The following ELAVL2 variants were observed in gnomAD, a reference collection of about 807,000 sequenced individuals.
ELAVL2 encodes ELAV-like protein 2.
In ELAVL2, 4 loss-of-function variants were observed where a neutral mutation model predicts 34.6. The ratio of observed to expected loss-of-function variants is 0.12; its 90% confidence interval spans 0.06 to 0.26. ELAVL2 has a LOEUF of 0.26. Ranked by LOEUF, ELAVL2 falls within the 10% of genes least tolerant of loss-of-function variation. The pLI, the probability that ELAVL2 is intolerant of heterozygous loss-of-function variation, is 1.00. For synonymous variants in ELAVL2, 193 were observed against 154.8 expected, an observed-to-expected ratio of 1.25 and a Z score of -1.83; for missense variants, 432 against 442.8, an observed-to-expected ratio of 0.98 and a Z score of 0.22.
intron 2 of ELAVL2, among the ~76,000 whole-genome samples, chr9:23,741,775 C>G (rs906146624): frequency 2.3e-4 from 30 of 132,478 alleles, no homozygotes; most frequent in African/African-American, 9.1e-4. Flanking sequence ...GTCTCCCATA[C>G]CTTTCTCCCT....
chr9:23,734,979 C>A (rs974465728), intron 2 of ELAVL2, among the ~76,000 whole-genome samples: 1 of 151,420 alleles, frequency 6.6e-6, no homozygotes, highest in Non-Finnish European at 1.5e-5. Context: ...CTGATAATCC[C>A]CAAACTAAGA....
chr9:23,750,350 C>T (rs1002593615), intron 2 of ELAVL2, among the ~76,000 whole-genome samples: 4 of 146,680 alleles, frequency 2.7e-5, no homozygotes, highest in African/African-American at 7.5e-5. Context: ...AGTAACAAAT[C>T]GGTATTAACA....
intron 4 of ELAVL2, among the ~76,000 whole-genome samples, chr9:23,703,295 G>A (rs534540401): frequency 1.2e-4 from 18 of 152,248 alleles, no homozygotes; most frequent in South Asian, 4.1e-4. Flanking sequence ...AAGCACAAAT[G>A]AAATAAAAAA....
chr9:23,731,001 A>T, intron 3 of ELAVL2, 21 bp downstream of exon 3: 2 of 1,593,464 alleles, frequency 1.3e-6, no homozygotes, highest in South Asian at 2.3e-5. Flanking sequence ...GCAAGTAGAT[A>T]TAAAAAAACT....
At chr9:23,802,298 T>C (rs1414910098) in intron 1 of ELAVL2, among the ~76,000 whole-genome samples, 3 of 152,184 alleles carry the variant, frequency 2.0e-5, no homozygotes, top group African/African-American at 7.2e-5. Flanking sequence ...ACATTAATAA[T>C]GTTAGTGCTA....
chr9:23,778,389 A>G (rs1417956516), intron 1 of ELAVL2, among the ~76,000 whole-genome samples: 1 of 152,130 alleles, frequency 6.6e-6, no homozygotes, highest in Non-Finnish European at 1.5e-5. Context: ...ACAAACAAAA[A>G]CAGTAGTGTT....
intron 2 of ELAVL2, among the ~76,000 whole-genome samples, chr9:23,732,808 A>C (rs985727745): frequency 2.6e-5 from 4 of 152,148 alleles, no homozygotes; most frequent in Non-Finnish European, 5.9e-5. Flanking sequence ...CTTCTCTCTA[A>C]AACGAGGGTA....
At chr9:23,744,300 G>A (rs545898631) in intron 2 of ELAVL2, among the ~76,000 whole-genome samples, 1 of 152,244 alleles carries the variant, frequency 6.6e-6, no homozygotes, top group African/African-American at 2.4e-5. Context: ...AAAATGTTAG[G>A]TATTCAATTA....
intron 1 of ELAVL2, among the ~76,000 whole-genome samples, chr9:23,765,951 C>A (rs2056157350): frequency 6.6e-6 from 1 of 152,054 alleles, no homozygotes. Flanking sequence ...CCAAACAGAG[C>A]CATGATATTG....
intron 1 of ELAVL2, among the ~76,000 whole-genome samples, chr9:23,823,722 A>C (rs2065101066): frequency 6.6e-6 from 1 of 152,228 alleles, no homozygotes; most frequent in African/African-American, 2.4e-5. Context: ...CTTAAGGCCC[A>C]AACACATTTC....
At chr9:23,800,453 T>C (rs1564519356) in intron 1 of ELAVL2, among the ~76,000 whole-genome samples, 1 of 152,168 alleles carries the variant, frequency 6.6e-6, no homozygotes, top group Admixed American at 6.5e-5. Context: ...CATGCTTACA[T>C]GAGGAGAAGG....
intron 6 of ELAVL2, among the ~76,000 whole-genome samples, chr9:23,693,170 C>A (rs558865485): frequency 6.6e-6 from 1 of 152,240 alleles, no homozygotes; most frequent in Non-Finnish European, 1.5e-5. Context: ...ATGAATTAAG[C>A]AGGATTGGCA....
chr9:23,791,098 T>C (rs1482813019), intron 1 of ELAVL2, among the ~76,000 whole-genome samples: 2 of 152,226 alleles, frequency 1.3e-5, no homozygotes, highest in Non-Finnish European at 2.9e-5. Flanking sequence ...GAGGTCAAAC[T>C]ATAAAACTGA....
chr9:23,822,064 G>A (rs1277286158), intron 1 of ELAVL2, among the ~76,000 whole-genome samples: 5 of 152,050 alleles, frequency 3.3e-5, no homozygotes, highest in Non-Finnish European at 7.4e-5. Context: ...TGGACTCGGT[G>A]GAGAGCGTTG....
chr9:23,838,839 T>C, the ELAVL2 span, among the ~76,000 whole-genome samples: 1 of 152,298 alleles, frequency 6.6e-6, no homozygotes. Context: ...TAAATAATTA[T>C]AATGAGATTG....
chr9:23,779,869 G>C (rs2058797801), intron 1 of ELAVL2, among the ~76,000 whole-genome samples: 1 of 151,494 alleles, frequency 6.6e-6, no homozygotes, highest in Non-Finnish European at 1.5e-5. Context: ...GGGTTTTATA[G>C]GGCACATTAA....
intron 1 of ELAVL2, among the ~76,000 whole-genome samples, chr9:23,796,225 G>A (rs1052528541): frequency 6.6e-6 from 1 of 152,194 alleles, no homozygotes; most frequent in Non-Finnish European, 1.5e-5. Flanking sequence ...TGGTTATGGG[G>A]CTTTCACTGG....
At chr9:23,734,618 T>G (rs768277822) in intron 2 of ELAVL2, among the ~76,000 whole-genome samples, 13 of 152,236 alleles carry the variant, frequency 8.5e-5, no homozygotes, top group Non-Finnish European at 1.6e-4. Flanking sequence ...CTGACACTTT[T>G]ACCGCAAAAG....
intron 1 of ELAVL2, among the ~76,000 whole-genome samples, chr9:23,811,528 C>T (rs2062999927): frequency 6.6e-6 from 1 of 152,202 alleles, no homozygotes; most frequent in South Asian, 2.1e-4. Flanking sequence ...GAAAAGCACC[C>T]CAGCTTCTGT....
Sources: gnomAD v4.1 joint callset for allele counts (sites outside exome capture counted in the v4.1 genomes callset) on GRCh38, gnomAD v4.1.1 for gene constraint, MANE v1.5 for transcripts, NCBI Gene and HGNC (gene_info 2026-07-23, HGNC 2026-07-21) for gene names.